The following DSPP variants were observed in gnomAD, a reference collection of about 807,000 sequenced individuals.
DSPP encodes dentin sialophosphoprotein.
A neutral mutation model predicts 29.1 loss-of-function variants in DSPP; 28 were observed. The observed-to-expected ratio is 0.96, with a 90% CI of 0.71 to 1.32. The LOEUF (loss-of-function observed/expected upper bound fraction) is 1.32, where lower values mean the gene tolerates loss of function less well. Ranked by LOEUF, DSPP falls within the 40% of genes most tolerant of loss-of-function variation. The pLI is 0.00. For missense variants in DSPP, 1,281 were observed against 1,629.9 expected (o/e 0.79, Z 3.69); for synonymous variants, 481 against 503.4 (o/e 0.96, Z 0.60).
In DSPP at chr4:87,613,128, T is replaced by C. The variant is rs775738038; in HGVS notation, c.942T>C (p.His314=). 3.1e-6 allele frequency: 5 copies of C among 1,613,992 alleles called. No individual in the cohort carries two copies. In the East Asian group the frequency reaches 6.7e-5, roughly 22 times the overall value. The change falls in exon 4 of 5, where the codon CAT becomes CAC. Residue 314 remains histidine (H), a synonymous_variant. Coordinates refer to ENST00000651931, the MANE Select transcript of DSPP (RefSeq NM_014208.3). ...ACCCTGAAGGCAAAGAAGATCCCCA[T>C]AATGAAGTTGATGGAGACAAGACCT... ...YYDPEGKEDP[H]NEVDGDKTSK...
rs1234833343 is a variant in DSPP at position 87,612,875 on chromosome 4, C to T, written c.689C>T (p.Thr230Ile). 6.2e-7 allele frequency: 1 copy of T among 1,614,066 alleles called. No homozygotes were observed. ...AATGGGACTAAGGAAGCTGAGGTAA[C>T]ACCAGGCACTGGAGAAGATGCTGGC... ...KRNGTKEAEV[T>I]PGTGEDAGLD... Residue 230 changes from threonine to isoleucine, a missense_variant, in exon 4 of 5, where the codon ACA becomes ATA. Transcript: ENST00000651931.
chr4:87,615,911 AAGC>A lies in DSPP; in HGVS notation c.3252_3254del (p.Ser1085del). The A allele has an allele frequency of 4.2e-6, 2 of 477,394 alleles. No individual in the cohort carries two copies. Among genetic ancestry groups the A allele is most frequent in the Admixed American group, 5.9e-5 (1 of 16,818 alleles). The allele number at this position is 477,394 out of a possible 1,614,324, so 29.6% of individuals were successfully genotyped here. A position where few individuals can be genotyped will look rare whatever the true frequency, so the allele number is the denominator to read the frequency against. ...GCAGCGACAGCAGTGATAGCAGTGAAAGCAGTGATAGCAGTGACAGCAGCAATA... is the reference window on the plus strand; with the variant it reads ...GCAGCGACAGCAGTGATAGCAGTGAAAGTGATAGCAGTGACAGCAGCAATA... On this transcript the variant is annotated inframe_deletion, in exon 5 of 5. Transcript: ENST00000651931.
chr4:87,613,197 C>T lies in DSPP; in HGVS notation c.1011C>T (p.Gly337=), dbSNP rs1416678710. The part of the protein sequence containing the change: ...ENSAGIPEDN[G]SQRIEDTQKL... ...CTGCTGGTATTCCAGAAGACAATGG[C>T]AGCCAAAGAATAGAGGACACCCAGA... The change falls in exon 4 of 5, where the codon GGC becomes GGT. Residue 337 remains glycine, a synonymous_variant. Transcript: ENST00000651931. 1.2e-6 allele frequency: 2 copies of T among 1,613,944 alleles called. No individual in the cohort carries two copies. Among genetic ancestry groups the T allele is most frequent in the African/African-American group, 2.7e-5 (2 of 74,916 alleles).
Position 87,612,804 on chromosome 4 carries a change from C to T in DSPP, c.618C>T (p.Asn206=), listed in dbSNP as rs754990176. The T allele has an allele frequency of 1.8e-5, 29 of 1,613,904 alleles. No individual in the cohort carries two copies. The highest frequency in any genetic ancestry group is 2.2e-5 in the Non-Finnish European group (26 of 1,180,006). Residue 206 remains asparagine (N), a synonymous_variant, in exon 4 of 5, where the codon AAC becomes AAT. Coordinates refer to ENST00000651931, the MANE Select transcript of DSPP (RefSeq NM_014208.3). The part of the protein sequence containing the change: ...EDEIIENSCR[N]EGNTSEITPQ... ...AAATAATTGAGAATTCCTGTAGAAA[C>T]GAGGGTAATACAAGTGAAATAACAC... is the stretch of plus-strand genomic sequence containing the variant.
rs139207046 is a variant in DSPP, at chr4:87,610,051, C to T, written c.-28-830C>T. 3.6e-4 allele frequency among the ~76,000 whole-genome samples: 55 copies of T among 152,194 alleles called. 1 individual carries two copies. In the East Asian group the frequency reaches 0.01, roughly 29 times the overall value. ...ATATTTATCAACAACATTCAGAAAA[C>T]GTTTTTTTCTGTGCTTTGCATTGGA... On this transcript the variant is annotated intron_variant, in intron 1 of 4. Coordinates refer to ENST00000651931, the MANE Select transcript of DSPP (RefSeq NM_014208.3).
At chr4:87,612,257 G>A (rs1727748314) in intron 3 of DSPP, 65 bp from the exon 4 acceptor site, 1 of 1,612,316 alleles carries the variant, frequency 6.2e-7, no homozygotes, top group Non-Finnish European at 8.5e-7. Context: ...ACTTCTCCAA[G>A]ATTGCAATTT....
rs1364339650 is a variant in DSPP at position 87,615,229 on chromosome 4, G to T, written c.2567G>T (p.Ser856Ile). ...DSSDGSDSDS[S>I]NRSDSSNSSD... Reference sequence around the variant, plus strand: ...AGTGACGGCAGTGATAGCGACAGCAGCAATAGAAGTGACAGTAGTAATAGT... The same window carrying T: ...AGTGACGGCAGTGATAGCGACAGCATCAATAGAAGTGACAGTAGTAATAGT... The change falls in exon 5 of 5, where the codon AGC (serine) becomes ATC (isoleucine). Residue 856 changes from serine (S) to isoleucine (I), a missense_variant. Ser to Ile is a moderately radical substitution (Grantham distance 142, BLOSUM62 -2). Coordinates refer to ENST00000651931, the MANE Select transcript of DSPP (RefSeq NM_014208.3). 2 of 1,525,556 alleles carry T rather than the reference G, an allele frequency of 1.3e-6. No homozygotes were observed. Among genetic ancestry groups the T allele is most frequent in the Non-Finnish European group, 8.8e-7 (1 of 1,133,680 alleles). 94.5% of individuals were successfully genotyped at this position (1,525,556 alleles called of 1,614,324 possible). A position where few individuals can be genotyped will look rare whatever the true frequency, so the allele number is the denominator to read the frequency against.
chr4:87,613,274 CAG>C lies in DSPP; in HGVS notation c.1092_1093del (p.Glu364AspfsTer10). The C allele has an allele frequency of 6.2e-7, 1 of 1,613,634 alleles. No homozygotes were observed. Reference sequence around the variant, plus strand: ...GTAGAAAATAGAATCACCAAAGAATCAGAGACACATGCTGTTGGGAAGAGCCA... The same window carrying C: ...GTAGAAAATAGAATCACCAAAGAATCAGACACATGCTGTTGGGAAGAGCCA... On this transcript the variant is annotated frameshift_variant, in exon 4 of 5. Transcript: ENST00000651931. LOFTEE classifies it low-confidence loss of function (END_TRUNC).
At position 87,614,742 on chromosome 4, in the gene DSPP, G is replaced by C. The variant is rs1560478812; in HGVS notation, c.2080G>C (p.Asp694His). 1 of 1,548,994 alleles carries C rather than the reference G, an allele frequency of 6.5e-7. No homozygotes were observed. The highest frequency in any genetic ancestry group is 1.2e-5 in the South Asian group (1 of 83,886). Residue 694 changes from aspartate to histidine, a missense_variant, in exon 5 of 5, where the codon GAC becomes CAC. Around this residue, in one of 4 missense-constraint regions of DSPP, gnomAD observed 444 missense variants for 611.4 expected, o/e 0.73. Transcript: ENST00000651931. ...SNSSDSSDSS[D>H]SSNSSESSDS... ...CAGCAGTGATAGTAGTGACAGTAGTGACAGCAGCAATAGCAGTGAGAGCAG... is the reference window on the plus strand; with the variant it reads ...CAGCAGTGATAGTAGTGACAGTAGTCACAGCAGCAATAGCAGTGAGAGCAG...
rs972753953 is a variant in DSPP, at chr4:87,612,352, G to A, written c.166G>A (p.Glu56Lys). 1.2e-6 allele frequency: 2 copies of A among 1,613,966 alleles called. No individual in the cohort carries two copies. The highest frequency in any genetic ancestry group is 1.7e-6 in the Non-Finnish European group (2 of 1,179,986). The change falls in exon 4 of 5, where the codon GAA becomes AAA. Residue 56 changes from glutamate to lysine, a missense_variant. Coordinates refer to ENST00000651931, the MANE Select transcript of DSPP (RefSeq NM_014208.3). The part of the protein sequence containing the change: ...DELNASGTIK[E>K]SGVLVHEGDR... ...GTTAAATGCCAGTGGAACCATCAAA[G>A]AAAGTGGTGTCCTGGTGCATGAAGG...
chr4:87,610,403 A>G (rs1273213349), intron 1 of DSPP, among the ~76,000 whole-genome samples: 1 of 152,206 alleles, frequency 6.6e-6, no homozygotes, highest in African/African-American at 2.4e-5. Context: ...GTCTCTGAAT[A>G]CAAACCCCGT....
intron 2 of DSPP, 86 bp from the exon 3 acceptor site, chr4:87,612,019 G>C: frequency 3.5e-6 from 1 of 281,908 alleles, no homozygotes; most frequent in Non-Finnish European, 6.2e-6. Context: ...ATTTGTGTGT[G>C]TGTGTGTGTG....
At chr4:87,612,077 TC>T (rs1371446618) in intron 2 of DSPP, 27 bp from the exon 3 acceptor site, 1 of 1,608,566 alleles carries the variant, frequency 6.2e-7, no homozygotes, top group East Asian at 2.2e-5. Context: ...AAGAACCTTT[TC>T]AATAGCCAGT....
Position 87,616,592 on chromosome 4 carries a change from T to A in DSPP, c.*24T>A. 6.4e-7 allele frequency: 1 copy of A among 1,551,716 alleles called. No individual in the cohort carries two copies. Among genetic ancestry groups the A allele is most frequent in the Non-Finnish European group, 8.7e-7 (1 of 1,146,988 alleles). ...AGAACAAAAGAAAAACCCGTAAGAT[T>A]CCTTTTGTGAAAAGTTTGGTAATGG... On this transcript the variant is annotated 3_prime_UTR_variant, in exon 5 of 5. Transcript: ENST00000651931.
At position 87,616,582 on chromosome 4, in the gene DSPP, C is replaced by T; in HGVS notation, c.*14C>T. ...AGTGATGATTAGAACAAAAGAAAAA[C>T]CCGTAAGATTCCTTTTGTGAAAAGT... On this transcript the variant is annotated 3_prime_UTR_variant, in exon 5 of 5. Transcript: ENST00000651931. 6.4e-7 allele frequency: 1 copy of T among 1,551,694 alleles called. No homozygotes were observed. Among genetic ancestry groups the T allele is most frequent in the Non-Finnish European group, 8.7e-7 (1 of 1,146,990 alleles).
intron 2 of DSPP, among the ~76,000 whole-genome samples, chr4:87,611,523 A>G (rs1727734651): frequency 1.3e-5 from 2 of 152,204 alleles, no homozygotes; most frequent in East Asian, 3.9e-4. Flanking sequence ...AAATTCAACC[A>G]TTTATAATTT....
chr4:87,613,791 G>T lies in DSPP; in HGVS notation c.1129G>T (p.Glu377Ter), dbSNP rs1372098991. ...TTCCTCCATCCTTCCATAGGGAATA[G>T]AAATCAAGGGTCCCAGCAGTGGCAA... Reference protein sequence around the residue: ...AVGKSQDKGIEIKGPSSGNRN... With the variant: ...AVGKSQDKGI The change falls in exon 5 of 5, where the codon GAA becomes TAA. Residue 377 changes from glutamate (E) to a stop codon, truncating the protein, a stop_gained. Coordinates refer to ENST00000651931, the MANE Select transcript of DSPP (RefSeq NM_014208.3). LOFTEE classifies it low-confidence loss of function (END_TRUNC). 1 of 1,614,104 alleles carries T rather than the reference G, an allele frequency of 6.2e-7. No homozygotes were observed. The highest frequency in any genetic ancestry group is 8.5e-7 in the Non-Finnish European group (1 of 1,179,998).
Position 87,614,112 on chromosome 4 carries a change from AAC to A in DSPP, c.1452_1453del (p.Asn484LysfsTer3). 1 of 1,614,150 alleles carries A rather than the reference AAC, an allele frequency of 6.2e-7. No homozygotes were observed. Among genetic ancestry groups the A allele is most frequent in the Non-Finnish European group, 8.5e-7 (1 of 1,180,054 alleles). On this transcript the variant is annotated frameshift_variant, in exon 5 of 5. Transcript: ENST00000651931. LOFTEE classifies it low-confidence loss of function (END_TRUNC). ...TGATGCTAATTCAGAAAGTGACAAT[AAC>A]AGCAGTAGCCGAGGAGATGCTTCTT... ...NDDANSESDNNSSSRGDASYN... is the reference protein window; with the variant it reads ...NDDANSESDNXSSSRGDASYN...
Position 87,614,577 on chromosome 4 carries a change from AAGTC to A in DSPP, c.1918_1921del (p.Ser640ThrfsTer673), listed in dbSNP as rs975313452. On this transcript the variant is annotated frameshift_variant, in exon 5 of 5. Transcript: ENST00000651931. LOFTEE classifies it low-confidence loss of function (END_TRUNC). ...GAGCGACAGCAGTGATAGTGACAGT[AAGTC>A]AGACAGCAGTGACAGCAACAGCAGT... 1 of 1,551,502 alleles carries A rather than the reference AAGTC, an allele frequency of 6.4e-7. No individual in the cohort carries two copies. Among genetic ancestry groups the A allele is most frequent in the Non-Finnish European group, 8.7e-7 (1 of 1,146,944 alleles).
Sources: gnomAD v4.1 joint callset for allele counts (sites outside exome capture counted in the v4.1 genomes callset) on GRCh38, gnomAD v4.1.1 for gene constraint, gnomAD v4.1.1 regional missense constraint, MANE v1.5 for transcripts, NCBI Gene and HGNC (gene_info 2026-07-23, HGNC 2026-07-21) for gene names.